Variants in B3GALT1 observed in about 807,000 individuals in gnomAD.
B3GALT1 encodes the protein UDP-Gal:betaGlcNAc beta 1,3-galactosyltransferase, polypeptide 1.
In B3GALT1, 10 loss-of-function variants were observed where a neutral mutation model predicts 23.2. The ratio of observed to expected loss-of-function variants is 0.43; its 90% CI spans 0.27 to 0.73. B3GALT1 has a LOEUF of 0.73. B3GALT1 is among the 30% of genes least tolerant of loss of function. The pLI is 0.21. For synonymous variants in B3GALT1, 156 were observed against 141.5 expected, an observed-to-expected ratio of 1.10 and a Z score of -0.73; for missense variants, 299 against 405.4, an observed-to-expected ratio of 0.74 and a Z score of 2.25.
At chr2:167,632,545 G>A (rs1685468987) in intron 2 of B3GALT1, among the ~76,000 whole-genome samples, 1 of 151,972 alleles carries the variant, frequency 6.6e-6, no homozygotes, top group South Asian at 2.1e-4. Flanking sequence ...CTAATGACCA[G>A]TGAGAATAAG....
chr2:167,790,132 C>T (rs79807659), intron 3 of B3GALT1, among the ~76,000 whole-genome samples: 5,887 of 152,252 alleles, frequency 0.039, 404 homozygotes, highest in African/African-American at 0.13. Flanking sequence ...CTTGATGGCA[C>T]GCTTAACTCC....
At chr2:167,455,883 A>C (rs1699162490) in intron 1 of B3GALT1, among the ~76,000 whole-genome samples, 1 of 152,146 alleles carries the variant, frequency 6.6e-6, no homozygotes, top group Non-Finnish European at 1.5e-5. Context: ...CGAATTGTAG[A>C]GTACAGCATG....
At chr2:167,569,917 A>G (rs1356189866) in intron 2 of B3GALT1, among the ~76,000 whole-genome samples, 2 of 151,938 alleles carry the variant, frequency 1.3e-5, no homozygotes, top group Non-Finnish European at 2.9e-5. Flanking sequence ...TATTATGTCT[A>G]TTAATATGAT....
intron 1 of B3GALT1, among the ~76,000 whole-genome samples, chr2:167,473,424 A>G (rs1234179473): frequency 6.6e-6 from 1 of 152,166 alleles, no homozygotes; most frequent in Non-Finnish European, 1.5e-5. Flanking sequence ...ATTTCAGTGT[A>G]TTCTCATAAA....
chr2:167,309,745 T>G (rs1317977020), intron 1 of B3GALT1, among the ~76,000 whole-genome samples: 1 of 152,070 alleles, frequency 6.6e-6, no homozygotes, highest in Non-Finnish European at 1.5e-5. Context: ...AAATACATAT[T>G]TGACAAAGTT....
rs1683219261 is a variant in B3GALT1, at chr2:167,526,278, T to C, written c.-410+36001T>C. Among the ~76,000 whole-genome samples the C allele has an allele frequency of 2.6e-5, 4 of 152,150 alleles. No homozygotes were observed. In the South Asian group the frequency reaches 8.3e-4, roughly 32 times the overall value. On this transcript the variant is annotated intron_variant, in intron 2 of 4. Coordinates refer to ENST00000392690, the MANE Select transcript of B3GALT1 (RefSeq NM_020981.4). ...AGGTAAACATGAATTCCTGTTTATG[T>C]CTCCAACCCTTATCCAGTAGTACAT... is the stretch of plus-strand genomic sequence containing the variant.
intron 3 of B3GALT1, among the ~76,000 whole-genome samples, chr2:167,751,248 G>T (rs1687730244): frequency 6.6e-6 from 1 of 152,172 alleles, no homozygotes; most frequent in Admixed American, 6.6e-5. Flanking sequence ...TACAGAGAAA[G>T]TGTTGTGGCT....
At chr2:167,811,244 C>T (rs1306221109) in intron 3 of B3GALT1, among the ~76,000 whole-genome samples, 1 of 152,152 alleles carries the variant, frequency 6.6e-6, no homozygotes, top group Non-Finnish European at 1.5e-5. Context: ...CAGGCTTTAC[C>T]TATCTTTGTT....
At chr2:167,347,266 G>T in intron 1 of B3GALT1, among the ~76,000 whole-genome samples, 1 of 152,084 alleles carries the variant, frequency 6.6e-6, no homozygotes, top group East Asian at 1.9e-4. Context: ...TTAATTATTG[G>T]TCGAAAGGGG....
intron 1 of B3GALT1, among the ~76,000 whole-genome samples, chr2:167,448,160 A>T (rs1699031569): frequency 6.6e-6 from 1 of 152,146 alleles, no homozygotes; most frequent in African/African-American, 2.4e-5. Flanking sequence ...TGCTGGATTA[A>T]ATGGTTGTTC....
At chr2:167,328,889 TGCAAG>T (rs1696932806) in intron 1 of B3GALT1, among the ~76,000 whole-genome samples, 1 of 152,212 alleles carries the variant, frequency 6.6e-6, no homozygotes, top group African/African-American at 2.4e-5. Context: ...CGCAGCTCAC[TGCAAG>T]CTCCGCCTCC....
In B3GALT1 at chr2:167,714,947, C is replaced by T. The variant is rs1687120236; in HGVS notation, c.-352+67981C>T. 6.2e-6 allele frequency: 10 copies of T among 1,611,470 alleles called. No individual in the cohort carries two copies. In the South Asian group the frequency reaches 1.1e-4, roughly 18 times the overall value. On this transcript the variant is annotated intron_variant, in intron 3 of 4. Transcript: ENST00000392690. ...TTTCTGTTGAAGCTTCTGATTCTCA[C>T]TTTCAAAATATATGTTTTCTGACTG...
At chr2:167,834,635 G>T (rs10179157) in intron 4 of B3GALT1, among the ~76,000 whole-genome samples, 1,993 of 152,278 alleles carry the variant, frequency 0.013, 37 homozygotes, top group African/African-American at 0.045. Context: ...GATCACCTGA[G>T]GTCAGGAATT....
At chr2:167,562,314 A>G (rs1186734525) in intron 2 of B3GALT1, among the ~76,000 whole-genome samples, 2 of 152,196 alleles carry the variant, frequency 1.3e-5, no homozygotes, top group Non-Finnish European at 2.9e-5. Context: ...TCTCAAAATA[A>G]TAAGAGCTAT....
intron 3 of B3GALT1, among the ~76,000 whole-genome samples, chr2:167,729,533 G>C (rs1687374165): frequency 6.6e-6 from 1 of 152,050 alleles, no homozygotes; most frequent in Non-Finnish European, 1.5e-5. Context: ...ACCTCACCAG[G>C]GCCTGCAGTG....
chr2:167,429,280 C>CA (rs59299487), intron 1 of B3GALT1, among the ~76,000 whole-genome samples: 1,203 of 88,804 alleles, frequency 0.014, 27 homozygotes, highest in African/African-American at 0.043. Flanking sequence ...GACTCTGTCT[C>CA]AAAAAAAAAA....
intron 1 of B3GALT1, among the ~76,000 whole-genome samples, chr2:167,480,523 T>C (rs1699549133): frequency 6.6e-6 from 1 of 152,158 alleles, no homozygotes; most frequent in African/African-American, 2.4e-5. Flanking sequence ...AGTGACTCTT[T>C]AGGCTTGCTG....
intron 1 of B3GALT1, among the ~76,000 whole-genome samples, chr2:167,315,272 A>C (rs1479447758): frequency 2.0e-5 from 3 of 152,136 alleles, no homozygotes; most frequent in Admixed American, 6.5e-5. Context: ...GTCCTGGAAG[A>C]GTTGTTAATC....
intron 3 of B3GALT1, among the ~76,000 whole-genome samples, chr2:167,716,707 A>G (rs1234112060): frequency 2.6e-5 from 4 of 152,080 alleles, no homozygotes. Flanking sequence ...TAAGCCTGAC[A>G]TTTTTTGTTT....
Sources: gnomAD v4.1 joint callset for allele counts (sites outside exome capture counted in the v4.1 genomes callset) on GRCh38, gnomAD v4.1.1 for gene constraint, MANE v1.5 for transcripts, NCBI Gene and HGNC (gene_info 2026-07-23, HGNC 2026-07-21) for gene names.